CXCL13: variants seen among roughly 807,000 people sequenced by gnomAD.
CXCL13 encodes the protein C-X-C motif chemokine 13.
CXCL13 carries 7 observed loss-of-function variants against 12.2 expected under a neutral mutation model. That is an observed-to-expected ratio of 0.57 (90% CI 0.33 to 1.07). The LOEUF is 1.07. Ranked by LOEUF, CXCL13 falls within the 50% of genes least tolerant of loss-of-function variation. The pLI is 0.04. For synonymous variants in CXCL13, 47 were observed against 42.4 expected, an observed-to-expected ratio of 1.11 and a Z score of -0.42; for missense variants, 113 against 127.4, an observed-to-expected ratio of 0.89 and a Z score of 0.55.
intron 1 of CXCL13, among the ~76,000 whole-genome samples, chr4:77,593,457 T>C (rs1726668804): frequency 6.6e-6 from 1 of 152,212 alleles, no homozygotes; most frequent in Admixed American, 6.5e-5. Flanking sequence ...CCCGTGAGAC[T>C]TGGCCTTCCA....
At chr4:77,520,894 A>T (rs1724577927) in intron 1 of CXCL13, among the ~76,000 whole-genome samples, 1 of 152,172 alleles carries the variant, frequency 6.6e-6, no homozygotes. Flanking sequence ...TGTTCCATCA[A>T]TATCTAGTTT....
At chr4:77,551,235 G>T (rs1409914562) in intron 1 of CXCL13, among the ~76,000 whole-genome samples, 1 of 152,196 alleles carries the variant, frequency 6.6e-6, no homozygotes, top group Non-Finnish European at 1.5e-5. Flanking sequence ...ATGTACTTTA[G>T]TGTGTTTTGT....
chr4:77,527,940 C>T (rs1460036701), intron 1 of CXCL13, among the ~76,000 whole-genome samples: 1 of 152,074 alleles, frequency 6.6e-6, no homozygotes, highest in African/African-American at 2.4e-5. Flanking sequence ...TCCCCCCACC[C>T]CACAACAGGC....
intron 1 of CXCL13, among the ~76,000 whole-genome samples, chr4:77,552,498 G>A (rs1725556367): frequency 6.6e-6 from 1 of 152,228 alleles, no homozygotes; most frequent in Admixed American, 6.5e-5. Flanking sequence ...TGTTTACTGA[G>A]AGAAGCTCTC....
In CXCL13 at chr4:77,570,694, G is replaced by A. The variant is rs146279165; in HGVS notation, c.-42-35130G>A. On this transcript the variant is annotated intron_variant, in intron 1 of 4. Transcript: ENST00000286758. ...AGGCGCGAGCAGGAACTGGGGCTGC[G>A]CGCAGCGCTTGTGGGCCAGCTGGAG... Among the ~76,000 whole-genome samples the A allele has an allele frequency of 1.9e-3, 284 of 152,306 alleles. 1 individual carries two copies. Among genetic ancestry groups the A allele is most frequent in the African/African-American group, 6.0e-3 (248 of 41,588 alleles).
At position 77,595,469 on chromosome 4, in the gene CXCL13, C is replaced by A. The variant is rs542580182; in HGVS notation, c.-42-10355C>A. Among the ~76,000 whole-genome samples the A allele has an allele frequency of 2.0e-5, 3 of 152,296 alleles. No individual in the cohort carries two copies. The South Asian group carries it at 6.2e-4, about 32-fold the overall frequency. On this transcript the variant is annotated intron_variant, in intron 1 of 4. Coordinates refer to the CXCL13 transcript ENST00000286758. ...CTGAAGGCAAGAACAGAGCAATGGC[C>A]ATGATTTAGTTCACTTTTGGACCCT...
At chr4:77,514,377 C>T (rs1297065502) in intron 1 of CXCL13, among the ~76,000 whole-genome samples, 2 of 145,628 alleles carry the variant, frequency 1.4e-5, no homozygotes, top group Admixed American at 6.9e-5. Flanking sequence ...TGAGGAATCA[C>T]CACACTGACT....
intron 1 of CXCL13, among the ~76,000 whole-genome samples, chr4:77,547,681 T>G (rs1479218612): frequency 6.6e-6 from 1 of 152,194 alleles, no homozygotes; most frequent in African/African-American, 2.4e-5. Context: ...TCTTGACTCT[T>G]TATCCAATTT....
chr4:77,540,641 A>G, intron 1 of CXCL13, among the ~76,000 whole-genome samples: 1 of 152,140 alleles, frequency 6.6e-6, no homozygotes, highest in African/African-American at 2.4e-5. Context: ...TGGTGTATAT[A>G]TACCATATTT....
chr4:77,610,517 A>G, intron 2 of CXCL13, 97 bp from the exon 3 acceptor site: 5 of 973,918 alleles, frequency 5.1e-6, no homozygotes, highest in East Asian at 2.6e-5. Flanking sequence ...CACTTCATCT[A>G]GGAATAATTA....
At chr4:77,535,307 C>T (rs1036881290) in intron 1 of CXCL13, among the ~76,000 whole-genome samples, 2 of 152,158 alleles carry the variant, frequency 1.3e-5, no homozygotes, top group African/African-American at 4.8e-5. Context: ...TCTTTCTTGA[C>T]ATTTTTATAA....
chr4:77,524,975 A>G (rs917798421), intron 1 of CXCL13, among the ~76,000 whole-genome samples: 2 of 152,210 alleles, frequency 1.3e-5, no homozygotes, highest in African/African-American at 2.4e-5. Context: ...CAAAATTCAC[A>G]TGTTGGAAGC....
chr4:77,541,412 T>A (rs373007087), intron 1 of CXCL13, among the ~76,000 whole-genome samples: 2 of 152,124 alleles, frequency 1.3e-5, no homozygotes, highest in South Asian at 4.1e-4. Context: ...TTAATCCATG[T>A]TTCTTTCTTA....
chr4:77,611,736 T>C lies in CXCL13; in HGVS notation c.*697T>C, dbSNP rs1727161939. 8.7e-6 allele frequency: 3 copies of C among 343,088 alleles called. No individual in the cohort carries two copies. Among genetic ancestry groups the C allele is most frequent in the Non-Finnish European group, 1.5e-5 (3 of 194,566 alleles). The allele number at this position is 343,088 out of a possible 1,614,324, so 21.3% of individuals were successfully genotyped here. ...CTCACATCTTTTTCACTGACTTTTT[T>C]TGTGGGGGGCGGGGCCGGGGGGACT... On this transcript the variant is annotated 3_prime_UTR_variant, in exon 4 of 4. Coordinates refer to ENST00000682537, the MANE Select transcript of CXCL13 (RefSeq NM_001371558.1).
intron 1 of CXCL13, among the ~76,000 whole-genome samples, chr4:77,567,591 C>A (rs575343333): frequency 6.6e-6 from 1 of 152,108 alleles, no homozygotes; most frequent in Non-Finnish European, 1.5e-5. Flanking sequence ...TCAGAAAGAA[C>A]CCTCTGATAA....
At chr4:77,580,647 A>T (rs1726307231) in intron 1 of CXCL13, among the ~76,000 whole-genome samples, 1 of 151,114 alleles carries the variant, frequency 6.6e-6, no homozygotes, top group Non-Finnish European at 1.5e-5. Flanking sequence ...AGCCTTCAGG[A>T]TTTATTTCTG....
intron 1 of CXCL13, among the ~76,000 whole-genome samples, chr4:77,538,297 A>G (rs1725110989): frequency 6.6e-6 from 1 of 151,932 alleles, no homozygotes; most frequent in Non-Finnish European, 1.5e-5. Context: ...GCTCAGTCTC[A>G]TGAAAGAGTT....
intron 1 of CXCL13, among the ~76,000 whole-genome samples, chr4:77,576,789 C>T (rs909856922): frequency 4.6e-5 from 7 of 152,176 alleles, no homozygotes; most frequent in Admixed American, 2.0e-4. Context: ...GCACTGTACA[C>T]AAATAATCAG....
At chr4:77,523,213 C>A (rs191270210) in intron 1 of CXCL13, among the ~76,000 whole-genome samples, 16 of 152,266 alleles carry the variant, frequency 1.1e-4, no homozygotes, top group Admixed American at 8.5e-4. Flanking sequence ...CAAGGAATAT[C>A]TTTGTGGTGT....
Sources: gnomAD v4.1 joint callset for allele counts (sites outside exome capture counted in the v4.1 genomes callset) on GRCh38, gnomAD v4.1.1 for gene constraint, MANE v1.5 for transcripts, NCBI Gene and HGNC (gene_info 2026-07-23, HGNC 2026-07-21) for gene names.